Variants in TKTL1 observed in about 807,000 individuals in gnomAD.
TKTL1 encodes the protein transketolase like 1, also known as transketolase-like protein 1.
In TKTL1, 1 loss-of-function variant was observed where a neutral mutation model predicts 39.3. That is an observed-to-expected ratio of 0.03 (90% CI 0.01 to 0.12). The LOEUF (loss-of-function observed/expected upper bound fraction) is 0.12. Ranked by LOEUF, TKTL1 falls within the 10% of genes least tolerant of loss-of-function variation. The pLI, the probability that TKTL1 is intolerant of heterozygous loss-of-function variation, is 1.00. For synonymous variants in TKTL1, 262 were observed against 193.8 expected (o/e 1.35, Z -2.92); for missense variants, 575 against 509.6 (o/e 1.13, Z -1.24).
At position 154,295,827 on chromosome X, in the gene TKTL1, A is replaced by C; in HGVS notation, c.-33A>C. The C allele has an allele frequency of 8.3e-7, 1 of 1,201,554 alleles. No homozygotes were observed. The highest frequency in any genetic ancestry group is 1.1e-6 in the Non-Finnish European group (1 of 889,652). On this transcript the variant is annotated 5_prime_UTR_variant, in exon 1 of 13. Coordinates refer to ENST00000369915, the MANE Select transcript of TKTL1 (RefSeq NM_012253.4). ...GCTCTTCAGACGCCGGAGACGTAGGAGTGGGTCTTCAGACTCCAAAGGGGT... is the reference window on the plus strand; with the variant it reads ...GCTCTTCAGACGCCGGAGACGTAGGCGTGGGTCTTCAGACTCCAAAGGGGT...
chrX:154,315,943 G>C (rs1388601458), intron 7 of TKTL1, among the ~76,000 whole-genome samples: 1 of 111,534 alleles, frequency 9.0e-6, no homozygotes, highest in Admixed American at 9.5e-5. Flanking sequence ...AGGAGTTATG[G>C]CCAGTAAACC....
intron 7 of TKTL1, among the ~76,000 whole-genome samples, chrX:154,315,908 C>T (rs1331607509): frequency 9.0e-6 from 1 of 111,568 alleles, no homozygotes; most frequent in Non-Finnish European, 1.9e-5. Flanking sequence ...AGCACATGCA[C>T]ACAAGCGCAC....
In TKTL1 at chrX:154,329,955, TAGTA is replaced by T. The variant is rs2067524821; in HGVS notation, c.*271_*274del. On this transcript the variant is annotated 3_prime_UTR_variant, in exon 13 of 13. Coordinates refer to ENST00000369915, the MANE Select transcript of TKTL1 (RefSeq NM_012253.4). ...AATAGGTAACAAAACAACCACCTGATAGTAAGTTTTCTGATAAGACTATAGATAA... is the reference window on the plus strand; with the variant it reads ...AATAGGTAACAAAACAACCACCTGATAGTTTTCTGATAAGACTATAGATAA... The T allele has an allele frequency of 2.1e-5, 6 of 290,048 alleles. No homozygotes were observed. Among genetic ancestry groups the T allele is most frequent in the East Asian group, 5.7e-5 (1 of 17,516 alleles). The allele number at this position is 290,048 out of a possible 1,213,427, so 23.9% of individuals were successfully genotyped here.
At chrX:154,306,182 G>A (rs2067313757) in intron 2 of TKTL1, among the ~76,000 whole-genome samples, 1 of 111,226 alleles carries the variant, frequency 9.0e-6, no homozygotes, top group South Asian at 3.8e-4. Context: ...GGTAGCACAT[G>A]CCTCTAATCC....
chrX:154,313,382 G>A (rs1803567403), intron 6 of TKTL1, among the ~76,000 whole-genome samples: 1 of 111,866 alleles, frequency 8.9e-6, no homozygotes, highest in Non-Finnish European at 1.9e-5. Context: ...TGAGTATCAA[G>A]TCCTTTTGGT....
chrX:154,304,873 C>T (rs2067302498), intron 1 of TKTL1: 4 of 531,261 alleles, frequency 7.5e-6, no homozygotes, highest in Non-Finnish European at 1.1e-5. Context: ...GCCTCAGTTA[C>T]TCTACCATGA....
At chrX:154,301,755 C>CTTT (rs782331518) in intron 1 of TKTL1, among the ~76,000 whole-genome samples, 2 of 90,521 alleles carry the variant, frequency 2.2e-5, no homozygotes, top group Admixed American at 1.2e-4. Context: ...CATTTTCTTT[C>CTTT]TTTTTTTTTT....
rs1215785812 is a variant in TKTL1, at chrX:154,320,847, A to G, written c.1120A>G (p.Ile374Val). The stretch of plus-strand genomic sequence containing the variant: ...CTTTCTGACTCGAGCATTTGATCAC[A>G]TCCGGATAGGAGGCCTCGCTGAGAG... ...AAFLTRAFDH[I>V]RIGGLAESNI... Residue 374 changes from isoleucine (I) to valine (V), a missense_variant, in exon 8 of 13, where the codon ATC (isoleucine) becomes GTC (valine). Physicochemically the swap from Ile to Val is conservative, Grantham distance 29. Coordinates refer to ENST00000369915, the MANE Select transcript of TKTL1 (RefSeq NM_012253.4). 1 of 1,211,317 alleles carries G rather than the reference A, an allele frequency of 8.3e-7. No homozygotes were observed. Among genetic ancestry groups the G allele is most frequent in the East Asian group, 3.0e-5 (1 of 33,850 alleles).
chrX:154,323,783 G>T (rs1010453729), intron 9 of TKTL1, among the ~76,000 whole-genome samples: 1 of 112,496 alleles, frequency 8.9e-6, no homozygotes, highest in African/African-American at 3.2e-5. Context: ...CACTACAAAC[G>T]AACCCGGGTT....
At chrX:154,311,080 C>G (rs2067353800) in intron 4 of TKTL1, 31 bp from the exon 5 acceptor site, 11 of 1,211,052 alleles carry the variant, frequency 9.1e-6, no homozygotes, top group Non-Finnish European at 1.2e-5. Flanking sequence ...CCCTTCATCT[C>G]TTGTAACCCA....
intron 12 of TKTL1, among the ~76,000 whole-genome samples, chrX:154,328,186 G>C (rs782446919): frequency 1.6e-4 from 18 of 111,502 alleles, no homozygotes; most frequent in African/African-American, 5.5e-4. Flanking sequence ...CAGAGGAGTG[G>C]CTATTGCAGG....
intron 10 of TKTL1, chrX:154,327,273 C>T (rs782266158): frequency 9.8e-4 from 421 of 430,859 alleles, no homozygotes; most frequent in Non-Finnish European, 8.2e-4. Context: ...TAGCACTCAG[C>T]GTGTTGCCAA....
At chrX:154,324,174 TCTCA>T (rs1214363612) in intron 9 of TKTL1, among the ~76,000 whole-genome samples, 4 of 110,667 alleles carry the variant, frequency 3.6e-5, no homozygotes, top group African/African-American at 1.3e-4. Flanking sequence ...GGAGACAGAG[TCTCA>T]CTCTGTCGCC....
At chrX:154,325,508 TTGAGACATC>T in intron 10 of TKTL1, 86 bp downstream of exon 10, 2 of 817,476 alleles carry the variant, frequency 2.4e-6, no homozygotes, top group Non-Finnish European at 3.6e-6. Flanking sequence ...ATCTTCAGAG[TTGAGACATC>T]ATCCTTTCTT....
intron 10 of TKTL1, among the ~76,000 whole-genome samples, chrX:154,325,909 A>G (rs982307186): frequency 8.9e-6 from 1 of 112,033 alleles, no homozygotes; most frequent in Non-Finnish European, 1.9e-5. Context: ...AGAGGAGCGC[A>G]GGAATTCAAG....
rs199975610 is a variant in TKTL1, at chrX:154,320,849, C to G, written c.1122C>G (p.Ile374Met). The change falls in exon 8 of 13, where the codon ATC becomes ATG. Residue 374 changes from isoleucine to methionine, a missense_variant. By Grantham distance (10) the Ile-to-Met change is conservative (BLOSUM62 1). Coordinates refer to ENST00000369915, the MANE Select transcript of TKTL1 (RefSeq NM_012253.4). ...TTCTGACTCGAGCATTTGATCACAT[C>G]CGGATAGGAGGCCTCGCTGAGAGCA... is the stretch of plus-strand genomic sequence containing the variant. ...AAFLTRAFDH[I>M]RIGGLAESNI... The G allele has an allele frequency of 9.9e-6, 12 of 1,209,342 alleles. No homozygotes were observed. The highest frequency in any genetic ancestry group is 1.1e-5 in the Non-Finnish European group (10 of 894,718).
At chrX:154,299,088 T>G (rs1766892916) in intron 1 of TKTL1, among the ~76,000 whole-genome samples, 1 of 110,341 alleles carries the variant, frequency 9.1e-6, no homozygotes, top group South Asian at 3.8e-4. Context: ...CACATAGGTT[T>G]TGGTATTTTG....
intron 7 of TKTL1, among the ~76,000 whole-genome samples, chrX:154,316,629 C>T (rs146485996): frequency 0.027 from 3,009 of 111,306 alleles, 103 homozygotes; most frequent in African/African-American, 0.093. Flanking sequence ...GAACTACTAC[C>T]ATAGGGTGGC....
chrX:154,299,597 T>C lies in TKTL1; in HGVS notation c.134+3604T>C, dbSNP rs2067257437. 2.7e-5 allele frequency among the ~76,000 whole-genome samples: 3 copies of C among 111,295 alleles called. 1 individual carries two copies. Among genetic ancestry groups the C allele is most frequent in the Admixed American group, 9.6e-5 (1 of 10,375 alleles). Reference sequence around the variant, plus strand: ...TACATTGTCCCCAATATGTAGTCTTTTATCCCTCACCTCCTTCCTACCTTC... The same window carrying C: ...TACATTGTCCCCAATATGTAGTCTTCTATCCCTCACCTCCTTCCTACCTTC... On this transcript the variant is annotated intron_variant, in intron 1 of 12. Transcript: ENST00000369915.
Sources: gnomAD v4.1 joint callset for allele counts (sites outside exome capture counted in the v4.1 genomes callset) on GRCh38, gnomAD v4.1.1 for gene constraint, MANE v1.5 for transcripts, NCBI Gene and HGNC (gene_info 2026-07-23, HGNC 2026-07-21) for gene names.